The following AGBL5 variants were observed in gnomAD, a reference collection of about 807,000 sequenced individuals.
AGBL5 encodes cytosolic carboxypeptidase-like protein 5.
A neutral mutation model predicts 88.0 loss-of-function variants in AGBL5; 51 were observed. The ratio of observed to expected loss-of-function variants is 0.58; its 90% CI spans 0.46 to 0.73. AGBL5 has a LOEUF of 0.73. Among genes scored for constraint, AGBL5 ranks in the 30% least tolerant of loss-of-function variants. The probability of loss-of-function intolerance (pLI) is 0.00; values close to 1 mark genes in which losing one functional copy is unlikely to be tolerated. For synonymous variants in AGBL5, 446 were observed against 438.8 expected (o/e 1.02, Z -0.21); for missense variants, 1,031 against 1,162.2 (o/e 0.89, Z 1.64).
At chr2:27,058,166 A>G (rs77086754) in intron 9 of AGBL5, among the ~76,000 whole-genome samples, 7,765 of 152,294 alleles carry the variant, frequency 0.051, 280 homozygotes, top group Non-Finnish European at 0.072. Flanking sequence ...CCAGCCAGAA[A>G]GAAAGGACAC....
chr2:27,059,133 A>C (rs1668580092), intron 10 of AGBL5, 57 bp from the exon 11 acceptor site: 1 of 1,520,210 alleles, frequency 6.6e-7, no homozygotes, highest in Non-Finnish European at 9.0e-7. Context: ...GATCCTAGGG[A>C]AAGCCTTAGG....
At position 27,056,744 on chromosome 2, in the gene AGBL5, A is replaced by C. The variant is rs1572818499; in HGVS notation, c.1487A>C (p.Glu496Ala). 1 of 1,613,696 alleles carries C rather than the reference A, an allele frequency of 6.2e-7. No homozygotes were observed. The highest frequency in any genetic ancestry group is 8.5e-7 in the Non-Finnish European group (1 of 1,179,720). ...ARDRRDGQSK[E>A]GSGRVAIYKA... ...GACCGTAGAGATGGCCAGTCTAAAG[A>C]GGGAAGCGGCCGTGTTGCAATCTAC... Residue 496 changes from glutamate to alanine, a missense_variant, in exon 8 of 15, where the codon GAG (glutamate) becomes GCG (alanine). Physicochemically the swap from Glu to Ala is moderately radical, Grantham distance 107. Transcript: ENST00000360131.
rs141261606 is a variant in AGBL5, at chr2:27,059,258, C to T, written c.1943C>T (p.Ala648Val). ...RARSFSTGTSAGGSSSSQQNS... is the reference protein window; with the variant it reads ...RARSFSTGTSVGGSSSSQQNS... ...CGAAGTTTTAGCACCGGCACAAGTG[C>T]CGGTGGTAGCAGCAGCAGCCAACAA... is the stretch of plus-strand genomic sequence containing the variant. Residue 648 changes from alanine to valine, a missense_variant, in exon 11 of 15, where the codon GCC becomes GTC. Coordinates refer to ENST00000360131, the MANE Select transcript of AGBL5 (RefSeq NM_021831.6). 10 of 1,614,232 alleles carry T rather than the reference C, an allele frequency of 6.2e-6. No individual in the cohort carries two copies. The African/African-American group carries it at 1.3e-4, about 22-fold the overall frequency.
intron 12 of AGBL5, 185 bp downstream of exon 12, chr2:27,067,831 T>A (rs890869520): frequency 8.4e-6 from 6 of 710,560 alleles, no homozygotes; most frequent in Non-Finnish European, 1.5e-5. Flanking sequence ...AAACAATAGT[T>A]AACATTTACT....
At chr2:27,056,431 T>TAA in intron 7 of AGBL5, 192 bp from the exon 8 acceptor site, 2 of 578,936 alleles carry the variant, frequency 3.5e-6, no homozygotes, top group Non-Finnish European at 5.6e-6. Flanking sequence ...GCTAAAAGCT[T>TAA]AAAAAAAAAA....
In AGBL5 at chr2:27,051,771, C is replaced by A. The variant is rs1303626799; in HGVS notation, c.-69C>A. The A allele has an allele frequency of 6.6e-6, 1 of 152,300 alleles. No individual in the cohort carries two copies. The highest frequency in any genetic ancestry group is 1.5e-5 in the Non-Finnish European group (1 of 68,038). The allele number at this position is 152,300 out of a possible 1,614,324, so 9.4% of individuals were successfully genotyped here. ...GCGGCCTCGCTAGCGGGAGAGGGAGCGGGATCACCGGCCCGGAGAGAGGTG... is the reference window on the plus strand; with the variant it reads ...GCGGCCTCGCTAGCGGGAGAGGGAGAGGGATCACCGGCCCGGAGAGAGGTG... On this transcript the variant is annotated 5_prime_UTR_variant, in exon 1 of 15. Coordinates refer to ENST00000360131, the MANE Select transcript of AGBL5 (RefSeq NM_021831.6).
intron 1 of AGBL5, 147 bp from the exon 2 acceptor site, chr2:27,052,766 G>T (rs923523031): frequency 8.5e-6 from 4 of 468,412 alleles, no homozygotes; most frequent in Admixed American, 8.4e-5. Context: ...TTTGCTGGAA[G>T]ACCACTTCTA....
intron 11 of AGBL5, among the ~76,000 whole-genome samples, chr2:27,065,630 G>A (rs183144217): frequency 2.1e-4 from 32 of 152,196 alleles, no homozygotes; most frequent in Non-Finnish European, 1.9e-4. Context: ...GTGCCTTTAA[G>A]TACTTTACAC....
At chr2:27,051,182 G>GTAAGGCAAAGGGAAAGAAC (rs1668098914), upstream of AGBL5, among the ~76,000 whole-genome samples, 1 of 152,232 alleles carries the variant, frequency 6.6e-6, no homozygotes, top group South Asian at 2.1e-4. Context: ...CAGTGAACCT[G>GTAAGGCAAAGGGAAAGAAC]TAAGGCAAAG....
At chr2:27,054,972 A>C in intron 5 of AGBL5, 103 bp from the exon 6 acceptor site, 1 of 1,495,502 alleles carries the variant, frequency 6.7e-7, no homozygotes, top group East Asian at 2.3e-5. Flanking sequence ...AGCCAGCTGG[A>C]AATCCAGCGG....
rs1668490262 is a variant in AGBL5 at position 27,057,383 on chromosome 2, G to GC, written c.1622dup (p.Pro542SerfsTer15). 6.2e-7 allele frequency: 1 copy of GC among 1,613,988 alleles called. No homozygotes were observed. On this transcript the variant is annotated frameshift_variant, in exon 9 of 15. Coordinates refer to ENST00000360131, the MANE Select transcript of AGBL5 (RefSeq NM_021831.6). LOFTEE classifies it high-confidence loss of function. ...GCCTGCCATGACAATGGGCGTGCCA[G>GC]CCCCCCTCCCCCGCCGGCTTTCCCC...
intron 12 of AGBL5, 51 bp downstream of exon 12, chr2:27,067,697 C>CAGGCCAGGTTCTTTACGCCTAGTTGGG: frequency 5.6e-6 from 9 of 1,603,978 alleles, no homozygotes; most frequent in Non-Finnish European, 7.7e-6. Flanking sequence ...CCTCCATGGC[C>CAGGCCAGGTTCTTTACGCCTAGTTGGG]AGGCCAGGTT....
Position 27,056,004 on chromosome 2 carries a change from G to C in AGBL5, c.1231G>C (p.Gly411Arg). The change falls in exon 7 of 15, where the codon GGG (glycine) becomes CGG (arginine). Residue 411 changes from glycine (G) to arginine (R), a missense_variant. Transcript: ENST00000360131. ...GTGGATTATGCCACAACAGTCTGCG[G>C]GGCTTGAAGAGTCAGCCCCTGATAC... is the stretch of plus-strand genomic sequence containing the variant. ...SVWIMPQQSA[G>R]LEESAPDTIP... The C allele has an allele frequency of 6.2e-7, 1 of 1,614,238 alleles. No individual in the cohort carries two copies. The highest frequency in any genetic ancestry group is 1.3e-5 in the African/African-American group (1 of 75,056).
chr2:27,050,828 C>T (rs186601168), upstream of AGBL5, among the ~76,000 whole-genome samples: 191 of 152,300 alleles, frequency 1.3e-3, no homozygotes, highest in African/African-American at 4.3e-3. Flanking sequence ...GTGGATAGGG[C>T]GTGGCAATCC....
intron 6 of AGBL5, 80 bp from the exon 7 acceptor site, chr2:27,055,602 G>A (rs1227524311): frequency 4.2e-5 from 54 of 1,299,180 alleles, no homozygotes; most frequent in Admixed American, 6.3e-5. Context: ...AGTCTCCTAC[G>A]GTCTCCTTTT....
intron 11 of AGBL5, among the ~76,000 whole-genome samples, chr2:27,060,689 C>CT (rs1668672332): frequency 6.6e-6 from 1 of 152,168 alleles, no homozygotes; most frequent in Admixed American, 6.5e-5. Flanking sequence ...GGCAATGGTC[C>CT]TTACCAGCTG....
chr2:27,057,466 A>C (rs757236338), intron 9 of AGBL5, 28 bp downstream of exon 9: 3 of 1,572,418 alleles, frequency 1.9e-6, no homozygotes, highest in Non-Finnish European at 2.6e-6. Context: ...AAGTGGGAAA[A>C]GGGAGAAACC....
At chr2:27,059,544 C>G in intron 11 of AGBL5, 140 bp downstream of exon 11, 1 of 1,519,558 alleles carries the variant, frequency 6.6e-7, no homozygotes, top group Non-Finnish European at 8.8e-7. Context: ...AACCTGTGGC[C>G]TCTCCTACGA....
intron 10 of AGBL5, 84 bp downstream of exon 10, chr2:27,058,686 C>T: frequency 1.4e-6 from 2 of 1,436,666 alleles, no homozygotes; most frequent in Non-Finnish European, 1.9e-6. Flanking sequence ...ATTTATATTC[C>T]TTCCATCCTC....
Sources: allele counts gnomAD v4.1 joint callset (sites outside exome capture counted in the v4.1 genomes callset), GRCh38; gene constraint gnomAD v4.1.1; transcripts MANE v1.5; gene names NCBI Gene and HGNC (gene_info 2026-07-23, HGNC 2026-07-21).